Variants in MAP3K7CL observed in about 807,000 individuals in gnomAD.
MAP3K7CL encodes the protein MAP3K7 C-terminal-like protein.
Under a neutral mutation model 18.6 loss-of-function variants are expected in MAP3K7CL, and 16 were observed. The ratio of observed to expected loss-of-function variants is 0.86; its 90% CI spans 0.58 to 1.31. The LOEUF (loss-of-function observed/expected upper bound fraction) is 1.31. MAP3K7CL is among the 50% of genes most tolerant of loss of function. MAP3K7CL has a pLI of 0.00. For missense variants in MAP3K7CL, 163 were observed against 174.4 expected, an observed-to-expected ratio of 0.93 and a Z score of 0.37; for synonymous variants, 65 against 66.8, an observed-to-expected ratio of 0.97 and a Z score of 0.13.
chr21:29,174,767 G>A lies in MAP3K7CL; in HGVS notation c.304G>A (p.Glu102Lys), dbSNP rs1317037799. The A allele has an allele frequency of 1.9e-6, 3 of 1,614,192 alleles. No homozygotes were observed. Among genetic ancestry groups the A allele is most frequent in the Non-Finnish European group, 2.5e-6 (3 of 1,180,022 alleles). ...AGAAAAGGAGAAGGTGGATGCTGCT[G>A]AGCTGGTTCGGGAATTCGAGGCTCT... ...QAEKEKVDAA[E>K]LVREFEALTE... is the part of the protein sequence containing the mutation. Residue 102 changes from glutamate (E) to lysine (K), a missense_variant, in exon 5 of 5, where the codon GAG (glutamate) becomes AAG (lysine). Coordinates refer to ENST00000399928, the MANE Select transcript of MAP3K7CL (RefSeq NM_001286620.2).
intron 4 of MAP3K7CL, among the ~76,000 whole-genome samples, chr21:29,174,134 G>A (rs750515622): frequency 2.6e-5 from 4 of 152,110 alleles, no homozygotes; most frequent in Admixed American, 1.3e-4. Context: ...CTGGAGTCAC[G>A]TCAGCATCAA....
At chr21:29,164,582 G>A (rs1041163055) in intron 4 of MAP3K7CL, among the ~76,000 whole-genome samples, 1 of 152,232 alleles carries the variant, frequency 6.6e-6, no homozygotes, top group East Asian at 1.9e-4. Context: ...TAAGAGGCGT[G>A]ATGAGAAGAG....
At position 29,174,944 on chromosome 21, in the gene MAP3K7CL, C is replaced by A. The variant is rs1467502348; in HGVS notation, c.*52C>A. ...GAGGCTGATGACTGCCCTGTGCTGGCCAAAAGATTTTTATTTTAAATGAAT... is the reference window on the plus strand; with the variant it reads ...GAGGCTGATGACTGCCCTGTGCTGGACAAAAGATTTTTATTTTAAATGAAT... On this transcript the variant is annotated 3_prime_UTR_variant, in exon 5 of 5. Coordinates refer to ENST00000399928, the MANE Select transcript of MAP3K7CL (RefSeq NM_001286620.2). The A allele has an allele frequency of 1.3e-6, 2 of 1,523,974 alleles. No individual in the cohort carries two copies. Among genetic ancestry groups the A allele is most frequent in the Non-Finnish European group, 1.8e-6 (2 of 1,126,104 alleles). The allele number at this position is 1,523,974 out of a possible 1,614,324, so 94.4% of individuals were successfully genotyped here. A position where few individuals can be genotyped will look rare whatever the true frequency, so the allele number is the denominator to read the frequency against.
At position 29,118,406 on chromosome 21, in the gene MAP3K7CL, C is replaced by T. The variant is rs188510085; in HGVS notation, c.370+25825C>T. ...TTTTATGGGTACCTTCCCTATTAGG[C>T]ACTTGCATCCCAGGTTCAATTTAGT... On this transcript the variant is annotated intron_variant, in intron 4 of 6. Coordinates refer to the MAP3K7CL transcript ENST00000286791. Among the ~76,000 whole-genome samples, 10 of 151,276 alleles carry T rather than the reference C, an allele frequency of 6.6e-5. No homozygotes were observed. The East Asian group carries it at 1.8e-3, about 27-fold the overall frequency.
rs545000441 is a variant in MAP3K7CL, at chr21:29,159,118, A to G, written c.133-823A>G. 2.6e-5 allele frequency among the ~76,000 whole-genome samples: 4 copies of G among 152,206 alleles called. No individual in the cohort carries two copies. The East Asian group carries it at 7.7e-4, about 29-fold the overall frequency. On this transcript the variant is annotated intron_variant, in intron 3 of 4. Transcript: ENST00000399928. ...GTATTTTTAGTAGAGATGGGTTTTCATCACGTTGACCAGGCTGGTCTCGAA... is the reference window on the plus strand; with the variant it reads ...GTATTTTTAGTAGAGATGGGTTTTCGTCACGTTGACCAGGCTGGTCTCGAA...
intron 3 of MAP3K7CL, chr21:29,092,314 C>T (rs1366012172): frequency 3.5e-6 from 3 of 866,554 alleles, no homozygotes; most frequent in Non-Finnish European, 5.1e-6. Flanking sequence ...CCATTAACAA[C>T]CCTCTCTAAA....
At chr21:29,104,274 T>G (rs8126654) in intron 4 of MAP3K7CL, among the ~76,000 whole-genome samples, 2,755 of 152,224 alleles carry the variant, frequency 0.018, 89 homozygotes, top group African/African-American at 0.063. Context: ...CGGGGTTTTT[T>G]CTGTTCTCAT....
intron 4 of MAP3K7CL, 69 bp downstream of exon 4, chr21:29,160,125 A>AG: frequency 8.1e-7 from 1 of 1,230,516 alleles, no homozygotes; most frequent in South Asian, 1.3e-5. Flanking sequence ...GGCAATGGGC[A>AG]GGGGACAGGC....
At chr21:29,149,341 G>C (rs2087217925) in intron 3 of MAP3K7CL, 91 bp downstream of exon 3, 1 of 1,100,662 alleles carries the variant, frequency 9.1e-7, no homozygotes, top group South Asian at 1.2e-5. Context: ...AGGGGAGACT[G>C]ACTTGGACCC....
exon 4 of MAP3K7CL, chr21:29,092,556 C>T (rs752702269): frequency 3.1e-5 from 50 of 1,614,024 alleles, no homozygotes; most frequent in South Asian, 7.7e-5. Context: ...TTACTGTGCC[C>T]GTGGAAATCC....
chr21:29,145,275 A>T (rs780576635), intron 2 of MAP3K7CL, among the ~76,000 whole-genome samples: 1 of 149,872 alleles, frequency 6.7e-6, no homozygotes, highest in Non-Finnish European at 1.5e-5. Flanking sequence ...TCAAGCAACT[A>T]TTTTTTTTTT....
intron 2 of MAP3K7CL, among the ~76,000 whole-genome samples, chr21:29,137,041 G>A (rs2086901389): frequency 6.6e-6 from 1 of 152,214 alleles, no homozygotes; most frequent in African/African-American, 2.4e-5. Flanking sequence ...TCACAGGGTT[G>A]TAATAAGAAG....
At chr21:29,158,183 G>C (rs1267215542) in intron 3 of MAP3K7CL, among the ~76,000 whole-genome samples, 2 of 152,168 alleles carry the variant, frequency 1.3e-5, no homozygotes, top group Non-Finnish European at 1.5e-5. Context: ...GTTATACCTG[G>C]TAAGTTGCCA....
intron 2 of MAP3K7CL, among the ~76,000 whole-genome samples, chr21:29,140,249 G>A (rs562696659): frequency 1.3e-5 from 2 of 152,232 alleles, no homozygotes; most frequent in South Asian, 4.1e-4. Flanking sequence ...TAACAACTTG[G>A]GGTTCATTAT....
intron 4 of MAP3K7CL, among the ~76,000 whole-genome samples, chr21:29,107,496 A>G (rs1234444317): frequency 6.6e-6 from 1 of 152,188 alleles, no homozygotes; most frequent in Non-Finnish European, 1.5e-5. Context: ...GTGAATCATG[A>G]TAATCCTATT....
intron 3 of MAP3K7CL, among the ~76,000 whole-genome samples, chr21:29,156,398 C>T (rs534718139): frequency 5.3e-5 from 8 of 152,136 alleles, no homozygotes; most frequent in Non-Finnish European, 1.2e-4. Context: ...TACATAAACC[C>T]ACGTACAGCC....
intron 4 of MAP3K7CL, among the ~76,000 whole-genome samples, chr21:29,100,117 C>T (rs1419885309): frequency 6.6e-6 from 1 of 151,174 alleles, no homozygotes; most frequent in Non-Finnish European, 1.5e-5. Flanking sequence ...AAATGGATCT[C>T]CTCCTCCCAC....
intron 4 of MAP3K7CL, among the ~76,000 whole-genome samples, chr21:29,122,720 A>G (rs958860775): frequency 2.6e-5 from 4 of 151,888 alleles, no homozygotes; most frequent in African/African-American, 9.7e-5. Flanking sequence ...TGGGTACAGG[A>G]TGGGGGTCAG....
intron 4 of MAP3K7CL, among the ~76,000 whole-genome samples, chr21:29,111,878 A>G (rs1390989291): frequency 6.6e-6 from 1 of 152,120 alleles, no homozygotes; most frequent in East Asian, 1.9e-4. Flanking sequence ...TTTCCCATGG[A>G]TGACTTAAAC....
Sources: gnomAD v4.1 joint callset for allele counts (sites outside exome capture counted in the v4.1 genomes callset) on GRCh38, gnomAD v4.1.1 for gene constraint, MANE v1.5 for transcripts, NCBI Gene and HGNC (gene_info 2026-07-23, HGNC 2026-07-21) for gene names.